Variants in JAKMIP1 observed in about 807,000 individuals in gnomAD.
JAKMIP1 encodes the protein janus kinase and microtubule interacting protein 1, also known as janus kinase and microtubule-interacting protein 1.
Under a neutral mutation model 113.0 loss-of-function variants are expected in JAKMIP1, and 33 were observed. The observed-to-expected ratio is 0.29, with a 90% CI of 0.22 to 0.39. The LOEUF is 0.39. JAKMIP1 is among the 10% of genes least tolerant of loss of function. The pLI is 1.00. For synonymous variants in JAKMIP1, 480 were observed against 459.9 expected (o/e 1.04, Z -0.56); for missense variants, 813 against 1,080.5 (o/e 0.75, Z 3.47).
chr4:6,198,108 C>T (rs148818558), intron 1 of JAKMIP1, among the ~76,000 whole-genome samples: 3 of 152,360 alleles, frequency 2.0e-5, no homozygotes, highest in Non-Finnish European at 4.4e-5. Flanking sequence ...CCCGTGTCCC[C>T]AGTCTCTAGT....
rs765030090 is a variant in JAKMIP1 at position 6,179,341 on chromosome 4, C to T, written c.-148+20912G>A. 3.9e-5 allele frequency among the ~76,000 whole-genome samples: 6 copies of T among 152,122 alleles called. No homozygotes were observed. Among genetic ancestry groups the T allele is most frequent in the Non-Finnish European group, 8.8e-5 (6 of 68,028 alleles). On this transcript the variant is annotated intron_variant, in intron 1 of 20. Transcript: ENST00000409021. The surrounding 1 kb of genome is among the most constrained non-coding windows in gnomAD (Gnocchi z 4.5). ...GGTGGTTGAGAGGCTTAAAGAGGAA[C>T]CTAAAGCACCTGCTCAGGTGAGTAC... is the stretch of plus-strand genomic sequence containing the variant.
At chr4:6,119,062 C>T (rs1055433162) in intron 1 of JAKMIP1, among the ~76,000 whole-genome samples, 5 of 152,104 alleles carry the variant, frequency 3.3e-5, no homozygotes, top group Admixed American at 6.5e-5. Flanking sequence ...CCAGGACAGC[C>T]GACAGCCACC....
At position 6,150,399 on chromosome 4, in the gene JAKMIP1, T is replaced by G. The variant is rs1451812592; in HGVS notation, c.-147-37402A>C. ...CGGTGTCAGCTTCTAACTAAAAGCC[T>G]TACTGTGCAGCGGGCTTCTCAAGGA... is the stretch of plus-strand genomic sequence containing the variant. On this transcript the variant is annotated intron_variant, in intron 1 of 20. Coordinates refer to ENST00000409021, the MANE Select transcript of JAKMIP1 (RefSeq NM_001099433.2). The surrounding 1 kb of genome is among the most constrained non-coding windows in gnomAD (Gnocchi z 4.8). 6.6e-6 allele frequency: 1 copy of G among 152,194 alleles called. No individual in the cohort carries two copies. The highest frequency in any genetic ancestry group is 2.4e-5 in the African/African-American group (1 of 41,428). 9.4% of individuals were successfully genotyped at this position (152,194 alleles called of 1,614,324 possible).
rs1714221281 is a variant in JAKMIP1, at chr4:6,040,892, G to A, written c.2098-176C>T. Among the ~76,000 whole-genome samples the A allele has an allele frequency of 6.6e-6, 1 of 152,124 alleles. No individual in the cohort carries two copies. The highest frequency in any genetic ancestry group is 1.5e-5 in the Non-Finnish European group (1 of 68,012). On this transcript the variant is annotated intron_variant, in intron 17 of 20. Transcript: ENST00000409021. This position sits in a 1 kb window ranked among gnomAD's most constrained non-coding sequence, Gnocchi z 5.8. ...TGAATCACCCAGCAGGAGCCTCACT[G>A]ACCTGGGGCACCCTTGACAGCCACA...
intron 13 of JAKMIP1, 36 bp downstream of exon 13, chr4:6,054,014 T>C: frequency 6.2e-7 from 1 of 1,614,082 alleles, no homozygotes; most frequent in Non-Finnish European, 8.5e-7. Flanking sequence ...GAATGTCTGC[T>C]CCGTTTGAGA....
At chr4:6,048,769 C>CG in intron 16 of JAKMIP1, 88 bp downstream of exon 16, 1 of 1,128,664 alleles carries the variant, frequency 8.9e-7, no homozygotes, top group Non-Finnish European at 1.3e-6. Flanking sequence ...CATGCTCCCA[C>CG]GCAAAGCAAG....
In JAKMIP1 at chr4:6,102,817, T is replaced by A. The variant is rs1340836655; in HGVS notation, c.624+2656A>T. Reference sequence around the variant, plus strand: ...GGCGCGATCTCAGCTCACTGCAAGCTCCACCTCCCAGGTTCACACCATTCT... The same window carrying A: ...GGCGCGATCTCAGCTCACTGCAAGCACCACCTCCCAGGTTCACACCATTCT... On this transcript the variant is annotated intron_variant, in intron 3 of 20. Transcript: ENST00000409021. Among the ~76,000 whole-genome samples the A allele has an allele frequency of 1.2e-4, 15 of 122,050 alleles. No homozygotes were observed. The Admixed American group carries it at 1.8e-3, about 14-fold the overall frequency. 80.1% of individuals were successfully genotyped at this position (122,050 alleles called of 152,430 possible). A position where few individuals can be genotyped will look rare whatever the true frequency, so the allele number is the denominator to read the frequency against.
In JAKMIP1 at chr4:6,093,219, T is replaced by G. The variant is rs534328986; in HGVS notation, c.625-7590A>C. Among the ~76,000 whole-genome samples the G allele has an allele frequency of 4.3e-4, 66 of 152,298 alleles. No individual in the cohort carries two copies. The highest frequency in any genetic ancestry group is 1.5e-3 in the African/African-American group (63 of 41,570). ...AGAAGTGATCACATCCTCTTCTTTG[T>G]TGCTGCCTCTTTGGCTTGCATGGTC... On this transcript the variant is annotated intron_variant, in intron 3 of 20. Transcript: ENST00000409021. The surrounding 1 kb of genome is among the most constrained non-coding windows in gnomAD (Gnocchi z 4.6).
intron 9 of JAKMIP1, among the ~76,000 whole-genome samples, chr4:6,062,689 G>C (rs2108787302): frequency 6.6e-6 from 1 of 152,284 alleles, no homozygotes; most frequent in South Asian, 2.1e-4. Context: ...TCAGCCATCA[G>C]CACTCCTCCC....
At chr4:6,085,964 A>C (rs957623275) in intron 3 of JAKMIP1, among the ~76,000 whole-genome samples, 10 of 152,072 alleles carry the variant, frequency 6.6e-5, no homozygotes, top group African/African-American at 2.4e-4. Context: ...TCTGCAGCTC[A>C]GCTTCTTGGC....
chr4:6,183,690 G>T lies in JAKMIP1; in HGVS notation c.-148+16563C>A, dbSNP rs1726318647. On this transcript the variant is annotated intron_variant, in intron 1 of 20. Transcript: ENST00000409021. The surrounding 1 kb of genome is among the most constrained non-coding windows in gnomAD (Gnocchi z 5.3). ...TCTAGGTGTAATAATTTTAAACTGT[G>T]AAAACATCACACCAACTCAAATGGG... Among the ~76,000 whole-genome samples, 1 of 151,950 alleles carries T rather than the reference G, an allele frequency of 6.6e-6. No individual in the cohort carries two copies. The highest frequency in any genetic ancestry group is 6.5e-5 in the Admixed American group (1 of 15,274).
chr4:6,061,972 C>T lies in JAKMIP1; in HGVS notation c.1560+340G>A, dbSNP rs1252959840. Among the ~76,000 whole-genome samples, 2 of 152,168 alleles carry T rather than the reference C, an allele frequency of 1.3e-5. No homozygotes were observed. The highest frequency in any genetic ancestry group is 2.9e-5 in the Non-Finnish European group (2 of 68,030). ...TCCTGGAGGGCGGGGGGCTGGCAGCCCTGGAGGGAGCGGAGCCTGAAGCCT... is the reference window on the plus strand; with the variant it reads ...TCCTGGAGGGCGGGGGGCTGGCAGCTCTGGAGGGAGCGGAGCCTGAAGCCT... On this transcript the variant is annotated intron_variant, in intron 10 of 20. Transcript: ENST00000409021. The surrounding 1 kb of genome is among the most constrained non-coding windows in gnomAD (Gnocchi z 5.3).
chr4:6,055,208 C>A (rs2108773845), intron 12 of JAKMIP1, among the ~76,000 whole-genome samples: 1 of 152,092 alleles, frequency 6.6e-6, no homozygotes, highest in East Asian at 2.0e-4. Flanking sequence ...TTGCAACATC[C>A]AGAGACAGTG....
At position 6,062,300 on chromosome 4, in the gene JAKMIP1, G is replaced by A; in HGVS notation, c.1560+12C>T. 1 of 1,611,750 alleles carries A rather than the reference G, an allele frequency of 6.2e-7. No homozygotes were observed. The highest frequency in any genetic ancestry group is 1.1e-5 in the South Asian group (1 of 91,002). The stretch of plus-strand genomic sequence containing the variant: ...GGCCCCTCCCTCGAGCCCTGAGGCT[G>A]GCTGCACTCACCCGGGCCTCCCTCT... On this transcript the variant is annotated intron_variant, in intron 10 of 20. Coordinates refer to ENST00000409021, the MANE Select transcript of JAKMIP1 (RefSeq NM_001099433.2).
chr4:6,112,892 C>G lies in JAKMIP1; in HGVS notation c.-42G>C, dbSNP rs1305538604. ...GAGTGCTGAGATCCTGCGGTCCACA[C>G]CTGTTCACGCACGCCAGCCAGCAGG... On this transcript the variant is annotated 5_prime_UTR_variant, in exon 2 of 21. Coordinates refer to ENST00000409021, the MANE Select transcript of JAKMIP1 (RefSeq NM_001099433.2). 1 of 1,596,064 alleles carries G rather than the reference C, an allele frequency of 6.3e-7. No homozygotes were observed. The highest frequency in any genetic ancestry group is 2.2e-5 in the East Asian group (1 of 44,524).
intron 1 of JAKMIP1, among the ~76,000 whole-genome samples, chr4:6,163,582 T>C (rs1723221022): frequency 6.6e-6 from 1 of 152,212 alleles, no homozygotes; most frequent in Admixed American, 6.5e-5. Context: ...AGTGTTCAAG[T>C]ATGAGTTGCA....
chr4:6,153,121 G>T lies in JAKMIP1; in HGVS notation c.-147-40124C>A, dbSNP rs898701317. 1.3e-5 allele frequency among the ~76,000 whole-genome samples: 2 copies of T among 152,082 alleles called. No homozygotes were observed. Among genetic ancestry groups the T allele is most frequent in the Non-Finnish European group, 2.9e-5 (2 of 68,022 alleles). On this transcript the variant is annotated intron_variant, in intron 1 of 20. Transcript: ENST00000409021. This position sits in a 1 kb window ranked among gnomAD's most constrained non-coding sequence, Gnocchi z 4.9. ...TACCTGCCTGAAGACTACACAGGCA[G>T]ATTCACACTTGCCAGCCAAGGCTTC... is the stretch of plus-strand genomic sequence containing the variant.
intron 16 of JAKMIP1, among the ~76,000 whole-genome samples, chr4:6,048,155 T>C (rs1223869940): frequency 1.3e-5 from 2 of 152,220 alleles, no homozygotes; most frequent in African/African-American, 4.8e-5. Flanking sequence ...GTTTTCACCA[T>C]CAAATGGGCA....
At chr4:6,073,007 G>A (rs1311804770) in intron 8 of JAKMIP1, among the ~76,000 whole-genome samples, 2 of 151,584 alleles carry the variant, frequency 1.3e-5, no homozygotes, top group Admixed American at 6.6e-5. Context: ...CCGGGAGGCG[G>A]AGGTTGCCGT....
Sources: gnomAD v4.1 joint callset for allele counts (sites outside exome capture counted in the v4.1 genomes callset) on GRCh38, gnomAD v4.1.1 for gene constraint, Gnocchi (gnomAD v3.1) non-coding constraint, MANE v1.5 for transcripts, NCBI Gene and HGNC (gene_info 2026-07-23, HGNC 2026-07-21) for gene names.